CDKN2B-AS1: variants seen among roughly 807,000 people sequenced by gnomAD.
CDKN2B-AS1 encodes the protein CDKN2B and CDKN2A antisense cis and trans regulatory RNA 1.
At chr9:22,031,118 C>A (rs1822451307) in intron 1 of CDKN2B-AS1, 1 of 152,146 alleles carries the variant, frequency 6.6e-6, no homozygotes, top group African/African-American at 2.4e-5. Flanking sequence ...CATTCTCAGA[C>A]CACCTATTAT....
At chr9:22,031,382 A>G (rs1361916714) in intron 1 of CDKN2B-AS1, among the ~76,000 whole-genome samples, 1 of 152,192 alleles carries the variant, frequency 6.6e-6, no homozygotes, top group Non-Finnish European at 1.5e-5. Context: ...TAGTTTTTAT[A>G]ATAGTTATAT....
At chr9:22,018,475 G>A (rs1821877891) in intron 1 of CDKN2B-AS1, among the ~76,000 whole-genome samples, 1 of 151,956 alleles carries the variant, frequency 6.6e-6, no homozygotes, top group Non-Finnish European at 1.5e-5. Flanking sequence ...TGGCCAACAT[G>A]GCGAAACCCC....
intron 1 of CDKN2B-AS1, among the ~76,000 whole-genome samples, chr9:22,042,023 C>G (rs1822916611): frequency 1.3e-5 from 2 of 152,046 alleles, no homozygotes; most frequent in East Asian, 1.9e-4. Context: ...GCCAAGTTTA[C>G]TATGTTTTAC....
At chr9:22,087,455 A>T (rs1209138529) in intron 4 of CDKN2B-AS1, among the ~76,000 whole-genome samples, 1 of 152,206 alleles carries the variant, frequency 6.6e-6, no homozygotes, top group African/African-American at 2.4e-5. Flanking sequence ...TTTTTTAAAG[A>T]TGCTTTTAGT....
Position 21,999,641 on chromosome 9 carries a change from G to T in CDKN2B-AS1, n.29+4480G>T, listed in dbSNP as rs1820838289. ...AAATTGCTACAGATAACTTGTATAA[G>T]TATGCAGAAATGTTTCTTTATAGCA... On this transcript the variant is annotated intron_variant and non_coding_transcript_variant, in intron 1 of 4. Coordinates refer to ENST00000650946, the Ensembl canonical transcript of CDKN2B-AS1. This position sits in a 1 kb window ranked among gnomAD's most constrained non-coding sequence, Gnocchi z 4.7. Among the ~76,000 whole-genome samples, 1 of 152,136 alleles carries T rather than the reference G, an allele frequency of 6.6e-6. No homozygotes were observed. The highest frequency in any genetic ancestry group is 2.4e-5 in the African/African-American group (1 of 41,442).
chr9:22,097,160 G>C (rs1825310280), intron 4 of CDKN2B-AS1: 1 of 152,196 alleles, frequency 6.6e-6, no homozygotes, highest in Admixed American at 6.5e-5. Context: ...GACAAATTGG[G>C]TCAAGGTGAT....
intron 1 of CDKN2B-AS1, among the ~76,000 whole-genome samples, chr9:22,028,956 A>G (rs1822354496): frequency 6.6e-6 from 1 of 152,160 alleles, no homozygotes; most frequent in Non-Finnish European, 1.5e-5. Context: ...ACAATTTAGC[A>G]TCTCCATATT....
At chr9:22,075,429 G>A (rs1326103699) in intron 4 of CDKN2B-AS1, among the ~76,000 whole-genome samples, 1 of 152,182 alleles carries the variant, frequency 6.6e-6, no homozygotes, top group Non-Finnish European at 1.5e-5. Flanking sequence ...GAGACTCAGC[G>A]ATTGGGATGT....
intron 1 of CDKN2B-AS1, among the ~76,000 whole-genome samples, chr9:22,025,775 T>C (rs1236194333): frequency 6.6e-6 from 1 of 152,122 alleles, no homozygotes; most frequent in Non-Finnish European, 1.5e-5. Context: ...AAGACGCTAG[T>C]TGGGAGACCT....
intron 4 of CDKN2B-AS1, among the ~76,000 whole-genome samples, chr9:22,068,728 T>C (rs1824168937): frequency 6.6e-6 from 1 of 152,336 alleles, no homozygotes; most frequent in East Asian, 1.9e-4. Flanking sequence ...TATTTGTTTG[T>C]TTTTCCCAAG....
chr9:22,023,369 G>A (rs957558865), intron 1 of CDKN2B-AS1, among the ~76,000 whole-genome samples: 2 of 151,892 alleles, frequency 1.3e-5, no homozygotes, highest in African/African-American at 2.4e-5. Flanking sequence ...ATTTTGGAAA[G>A]GTAGTCTTCA....
chr9:22,010,704 T>C (rs1031697081), intron 1 of CDKN2B-AS1, among the ~76,000 whole-genome samples: 2 of 152,206 alleles, frequency 1.3e-5, no homozygotes, highest in Non-Finnish European at 2.9e-5. Flanking sequence ...GTAGCATTAA[T>C]AACAATTTCT....
chr9:22,013,392 A>G (rs989312680), intron 1 of CDKN2B-AS1, among the ~76,000 whole-genome samples: 2 of 152,196 alleles, frequency 1.3e-5, no homozygotes, highest in African/African-American at 4.8e-5. Flanking sequence ...GGATTAAAAT[A>G]AGGCTAGGAT....
At chr9:22,019,774 A>G (rs971875807) in intron 1 of CDKN2B-AS1, among the ~76,000 whole-genome samples, 1 of 152,192 alleles carries the variant, frequency 6.6e-6, no homozygotes, top group Non-Finnish European at 1.5e-5. Context: ...ATTAGCAGAC[A>G]TTTGAATATA....
rs552600062 is a variant in CDKN2B-AS1, at chr9:22,000,179, G to A, written n.29+5018G>A. On this transcript the variant is annotated intron_variant and non_coding_transcript_variant, in intron 1 of 4. Transcript: ENST00000650946. This position sits in a 1 kb window ranked among gnomAD's most constrained non-coding sequence, Gnocchi z 4.1. Reference sequence around the variant, plus strand: ...AGTCTAAATGTTAAAACATCCTCACGGGTGATTCTGACATGGAGCCAGGAT... The same window carrying A: ...AGTCTAAATGTTAAAACATCCTCACAGGTGATTCTGACATGGAGCCAGGAT... 2.6e-5 allele frequency among the ~76,000 whole-genome samples: 4 copies of A among 152,186 alleles called. No homozygotes were observed. Among genetic ancestry groups the A allele is most frequent in the East Asian group, 1.9e-4 (1 of 5,178 alleles).
At chr9:22,009,915 CA>C (rs1821413244) in intron 1 of CDKN2B-AS1, among the ~76,000 whole-genome samples, 1 of 151,982 alleles carries the variant, frequency 6.6e-6, no homozygotes, top group Non-Finnish European at 1.5e-5. Flanking sequence ...TCCATTTTTG[CA>C]TTATGGATAC....
At chr9:22,117,906 T>A (rs1257966349) in intron 4 of CDKN2B-AS1, 2 of 152,242 alleles carry the variant, frequency 1.3e-5, no homozygotes, top group Non-Finnish European at 2.9e-5. Context: ...AGAATGTATC[T>A]GCCTGTGTGT....
intron 1 of CDKN2B-AS1, chr9:22,029,757 C>A: frequency 2.7e-6 from 1 of 376,826 alleles, no homozygotes; most frequent in East Asian, 4.2e-5. Flanking sequence ...TGTGTTTATT[C>A]TGACAGTTTA....
Position 22,006,344 on chromosome 9 carries a change from A to C in CDKN2B-AS1, n.29+11183A>C. Reference sequence around the variant, plus strand: ...GGTGGAGCCATTTAAAGAAACACCTAATTGCAAAGTTTTCACCCAGTGCAG... The same window carrying C: ...GGTGGAGCCATTTAAAGAAACACCTCATTGCAAAGTTTTCACCCAGTGCAG... On this transcript the variant is annotated intron_variant and non_coding_transcript_variant, in intron 1 of 4. Coordinates refer to ENST00000650946, the Ensembl canonical transcript of CDKN2B-AS1. The surrounding 1 kb of genome is among the most constrained non-coding windows in gnomAD (Gnocchi z 6.4). 1 of 1,524,324 alleles carries C rather than the reference A, an allele frequency of 6.6e-7. No homozygotes were observed. The highest frequency in any genetic ancestry group is 8.9e-7 in the Non-Finnish European group (1 of 1,126,656). The allele number at this position is 1,524,324 out of a possible 1,614,324, so 94.4% of individuals were successfully genotyped here.
Sources: gnomAD v4.1 joint callset for allele counts (sites outside exome capture counted in the v4.1 genomes callset) on GRCh38, gnomAD v4.1.1 for gene constraint, Gnocchi (gnomAD v3.1) non-coding constraint, MANE v1.5 for transcripts, NCBI Gene and HGNC (gene_info 2026-07-23, HGNC 2026-07-21) for gene names.